Variants in RPL28 observed in about 807,000 individuals in gnomAD.
The protein encoded by RPL28 is ribosomal protein L28, also known as large ribosomal subunit protein eL28.
RPL28 carries 4 observed loss-of-function variants against 12.5 expected under a neutral mutation model. That is an observed-to-expected ratio of 0.32 (90% confidence interval 0.16 to 0.73). RPL28 has a LOEUF of 0.73. Ranked by LOEUF, RPL28 falls within the 30% of genes least tolerant of loss-of-function variation. RPL28 has a pLI of 0.66. For synonymous variants in RPL28, 91 were observed against 72.5 expected (o/e 1.26, Z -1.30); for missense variants, 214 against 197.7 (o/e 1.08, Z -0.49).
chr19:55,393,706 C>T (rs1335224499), downstream of RPL28, among the ~76,000 whole-genome samples: 6 of 147,600 alleles, frequency 4.1e-5, no homozygotes, highest in Non-Finnish European at 8.9e-5. Context: ...GACCTTGGCT[C>T]ACTGCGACCT....
At chr19:55,398,714 G>A (rs981290584) in intron 4 of RPL28, among the ~76,000 whole-genome samples, 1 of 151,978 alleles carries the variant, frequency 6.6e-6, no homozygotes, top group African/African-American at 2.4e-5. Context: ...GAGTGGCGGG[G>A]GTGTTGAGAC....
rs2089975678 is a variant in RPL28 at position 55,390,034 on chromosome 19, A to AT, written c.*1702_*1703insT. 1.0e-6 allele frequency: 1 copy of AT among 985,366 alleles called. No individual in the cohort carries two copies. The allele number at this position is 985,366 out of a possible 1,614,324, so 61.0% of individuals were successfully genotyped here. On this transcript the variant is annotated 3_prime_UTR_variant, in exon 5 of 5. Coordinates refer to ENST00000344063, the MANE Select transcript of RPL28 (RefSeq NM_000991.5). ...AGGCCTCTCCCCTGGCACCTGCTTC[A>AT]GTTGTCCTCCACAGCACTGATTTGC...
Position 55,389,495 on chromosome 19 carries a change from CAA to C in RPL28, c.*1165_*1166del. ...TCCTGCCATCCTGGGGTACCCGATTCAAAGAAGGACTCTGCTCCCTGTCTGAG... is the reference window on the plus strand; with the variant it reads ...TCCTGCCATCCTGGGGTACCCGATTCAGAAGGACTCTGCTCCCTGTCTGAG... On this transcript the variant is annotated 3_prime_UTR_variant, in exon 5 of 5. Transcript: ENST00000344063. The C allele has an allele frequency of 3.0e-6, 3 of 985,438 alleles. No homozygotes were observed. The highest frequency in any genetic ancestry group is 3.6e-6 in the Non-Finnish European group (3 of 829,948). The allele number at this position is 985,438 out of a possible 1,614,324, so 61.0% of individuals were successfully genotyped here.
chr19:55,395,398 G>C (rs1401471123), downstream of RPL28, among the ~76,000 whole-genome samples: 1 of 151,334 alleles, frequency 6.6e-6, no homozygotes, highest in African/African-American at 2.4e-5. Flanking sequence ...CTCCCAAAGT[G>C]CTGGAATTAC....
Position 55,390,351 on chromosome 19 carries a change from G to A in RPL28, c.*2019G>A. The A allele has an allele frequency of 1.4e-6, 1 of 703,658 alleles. No homozygotes were observed. Among genetic ancestry groups the A allele is most frequent in the Non-Finnish European group, 1.7e-6 (1 of 573,296 alleles). 43.6% of individuals were successfully genotyped at this position (703,658 alleles called of 1,614,324 possible). On this transcript the variant is annotated 3_prime_UTR_variant, in exon 5 of 5. Coordinates refer to ENST00000344063, the MANE Select transcript of RPL28 (RefSeq NM_000991.5). ...TCCCGAGTAGCTGGGATTACAGGTG[G>A]GTGTCACCACACCCAGCTCAGTATT...
At chr19:55,394,911 ATATAT>A (rs2090012230), downstream of RPL28, among the ~76,000 whole-genome samples, 2 of 152,116 alleles carry the variant, frequency 1.3e-5, no homozygotes, top group Non-Finnish European at 2.9e-5. Context: ...AATCTCTAAA[ATATAT>A]TAAGTGAAAA....
intron 4 of RPL28, chr19:55,401,159 A>C: frequency 2.0e-6 from 1 of 506,822 alleles, no homozygotes; most frequent in East Asian, 3.5e-5. Context: ...CTGGTGAGCT[A>C]GATGGACCCA....
downstream of RPL28, among the ~76,000 whole-genome samples, chr19:55,392,686 C>T (rs765260709): frequency 6.6e-5 from 10 of 152,272 alleles, no homozygotes; most frequent in Non-Finnish European, 1.3e-4. Context: ...GCCACCACGC[C>T]CGGCTAAATG....
intron 4 of RPL28, 35 bp downstream of exon 4, chr19:55,388,083 C>G (rs1462343712): frequency 6.2e-7 from 1 of 1,611,016 alleles, no homozygotes; most frequent in Non-Finnish European, 8.5e-7. Flanking sequence ...CTTGGGGAGA[C>G]TGGCCAGTGC....
intron 4 of RPL28, chr19:55,401,703 G>A (rs770305551): frequency 6.2e-6 from 10 of 1,613,284 alleles, no homozygotes; most frequent in Non-Finnish European, 8.5e-6. Flanking sequence ...AGAGCAGGCG[G>A]CCCGCCTCCT....
At chr19:55,402,613 T>A (rs2090068531) in intron 4 of RPL28, among the ~76,000 whole-genome samples, 1 of 152,202 alleles carries the variant, frequency 6.6e-6, no homozygotes, top group Non-Finnish European at 1.5e-5. Context: ...ATATCACTGA[T>A]GGTGACCAGG....
intron 4 of RPL28, 90 bp from the exon 5 acceptor site, chr19:55,388,153 C>A: frequency 6.4e-7 from 1 of 1,562,814 alleles, no homozygotes; most frequent in Non-Finnish European, 8.7e-7. Flanking sequence ...TGGATTCTTG[C>A]TTTCAGCCTA....
Position 55,386,605 on chromosome 19 carries a change from C to G in RPL28, c.117C>G (p.Arg39=). The change falls in exon 3 of 5, where the codon CGC becomes CGG. Residue 39 remains arginine (R), a synonymous_variant. Coordinates refer to ENST00000344063, the MANE Select transcript of RPL28 (RefSeq NM_000991.5). ...ACTTGAAGGCCCGCAATTCCTTCCGCTACAACGGACTGATTCACCGCAAGA... is the reference window on the plus strand; with the variant it reads ...ACTTGAAGGCCCGCAATTCCTTCCGGTACAACGGACTGATTCACCGCAAGA... The part of the protein sequence containing the change: ...PNNLKARNSF[R]YNGLIHRKTV... The G allele has an allele frequency of 1.2e-6, 2 of 1,612,402 alleles. No homozygotes were observed. Among genetic ancestry groups the G allele is most frequent in the Non-Finnish European group, 1.7e-6 (2 of 1,178,630 alleles).
chr19:55,400,469 C>T (rs2090049036), intron 4 of RPL28: 2 of 150,728 alleles, frequency 1.3e-5, no homozygotes, highest in Non-Finnish European at 2.9e-5. Context: ...GATCTTACCC[C>T]TGTGATTTAG....
intron 1 of RPL28, 120 bp from the exon 2 acceptor site, chr19:55,386,230 G>T (rs1266774553): frequency 3.4e-6 from 3 of 876,408 alleles, no homozygotes; most frequent in Non-Finnish European, 5.4e-6. Context: ...GCCCTCAGGG[G>T]TCTCCCATTC....
At chr19:55,398,757 G>A (rs1278814648) in intron 4 of RPL28, among the ~76,000 whole-genome samples, 2 of 151,928 alleles carry the variant, frequency 1.3e-5, no homozygotes, top group Non-Finnish European at 2.9e-5. Flanking sequence ...ACTGGAGTGC[G>A]GTGGTGCAAT....
downstream of RPL28, among the ~76,000 whole-genome samples, chr19:55,396,082 G>A (rs10404370): frequency 0.031 from 4,739 of 151,624 alleles, 263 homozygotes; most frequent in African/African-American, 0.11. Context: ...GTTTGAGACC[G>A]GCCTGGGCAA....
downstream of RPL28, among the ~76,000 whole-genome samples, chr19:55,395,646 T>C (rs1416076990): frequency 6.6e-6 from 1 of 150,650 alleles, no homozygotes; most frequent in Non-Finnish European, 1.5e-5. Context: ...GGTTTCACTG[T>C]GTTAGCCAGG....
At chr19:55,402,944 T>C in exon 5 of RPL28, 1 of 1,522,296 alleles carries the variant, frequency 6.6e-7, no homozygotes, top group Non-Finnish European at 8.8e-7. Context: ...TTTTTTCAGC[T>C]TGCGGGAAGG....
Sources: allele counts gnomAD v4.1 joint callset (sites outside exome capture counted in the v4.1 genomes callset), GRCh38; gene constraint gnomAD v4.1.1; transcripts MANE v1.5; gene names NCBI Gene and HGNC (gene_info 2026-07-23, HGNC 2026-07-21).